Variants in PCCA observed in about 807,000 individuals in gnomAD.
PCCA encodes the protein propionyl-CoA carboxylase alpha chain, mitochondrial.
PCCA carries 74 observed loss-of-function variants against 101.3 expected under a neutral mutation model. The ratio of observed to expected loss-of-function variants is 0.73; its 90% confidence interval spans 0.61 to 0.89. The LOEUF is 0.89. Ranked by LOEUF, PCCA falls within the 40% of genes least tolerant of loss-of-function variation. The pLI, the probability that PCCA is intolerant of heterozygous loss-of-function variation, is 0.00. For missense variants in PCCA, 891 were observed against 907.0 expected, an observed-to-expected ratio of 0.98 and a Z score of 0.23; for synonymous variants, 294 against 313.6, an observed-to-expected ratio of 0.94 and a Z score of 0.66.
At chr13:100,369,957 A>G (rs1003554833) in intron 19 of PCCA, among the ~76,000 whole-genome samples, 2 of 151,596 alleles carry the variant, frequency 1.3e-5, no homozygotes, top group African/African-American at 2.4e-5. Context: ...TTTCAGTTCT[A>G]TATTGAGTCA....
intron 18 of PCCA, among the ~76,000 whole-genome samples, chr13:100,350,997 A>G (rs1402704334): frequency 1.3e-5 from 2 of 152,230 alleles, no homozygotes; most frequent in Non-Finnish European, 2.9e-5. Context: ...ACAGCATAGC[A>G]TGCTTTCTTT....
At chr13:100,195,252 T>G (rs1469421759) in intron 6 of PCCA, among the ~76,000 whole-genome samples, 2 of 152,192 alleles carry the variant, frequency 1.3e-5, no homozygotes, top group African/African-American at 4.8e-5. Flanking sequence ...GCTTCTTACC[T>G]TCTTCTTACC....
chr13:100,447,023 C>CTTTATATT (rs1358873317), intron 20 of PCCA, among the ~76,000 whole-genome samples: 1 of 152,194 alleles, frequency 6.6e-6, no homozygotes, highest in Non-Finnish European at 1.5e-5. Flanking sequence ...ATAAACTACA[C>CTTTATATT]TGTGATATTT....
intron 6 of PCCA, among the ~76,000 whole-genome samples, chr13:100,195,795 A>G (rs1439470207): frequency 6.6e-6 from 1 of 152,184 alleles, no homozygotes; most frequent in Non-Finnish European, 1.5e-5. Context: ...TATTGCATCT[A>G]CATTTCCCGA....
intron 21 of PCCA, among the ~76,000 whole-genome samples, chr13:100,484,839 G>T (rs537221009): frequency 1.3e-5 from 2 of 152,294 alleles, no homozygotes; most frequent in Admixed American, 1.3e-4. Flanking sequence ...AGTGCTTCTG[G>T]TGAGCACCTC....
At chr13:100,239,071 A>G (rs1364354264) in intron 8 of PCCA, among the ~76,000 whole-genome samples, 2 of 152,164 alleles carry the variant, frequency 1.3e-5, no homozygotes, top group Non-Finnish European at 2.9e-5. Flanking sequence ...AAAGTAGGAA[A>G]CTCACTGTAT....
At chr13:100,139,924 T>C (rs1296394122) in intron 4 of PCCA, among the ~76,000 whole-genome samples, 1 of 152,058 alleles carries the variant, frequency 6.6e-6, no homozygotes, top group Non-Finnish European at 1.5e-5. Context: ...TTTTTTTTTT[T>C]CCTGTGGGCG....
intron 1 of PCCA, among the ~76,000 whole-genome samples, chr13:100,095,613 A>G (rs1184577211): frequency 6.6e-6 from 1 of 152,204 alleles, no homozygotes; most frequent in Non-Finnish European, 1.5e-5. Context: ...CCAGCCAGCC[A>G]TGTGACTATA....
intron 7 of PCCA, among the ~76,000 whole-genome samples, chr13:100,216,610 T>C (rs2152490591): frequency 6.6e-6 from 1 of 152,346 alleles, no homozygotes; most frequent in Non-Finnish European, 1.5e-5. Flanking sequence ...TTTATACATA[T>C]ACTCATTTTA....
intron 6 of PCCA, among the ~76,000 whole-genome samples, chr13:100,179,703 C>A (rs542242936): frequency 6.8e-5 from 7 of 103,504 alleles, no homozygotes; most frequent in African/African-American, 2.4e-4. Flanking sequence ...GGGTCATCCT[C>A]TTCCCACAAT....
intron 12 of PCCA, among the ~76,000 whole-genome samples, chr13:100,297,205 C>T (rs144300617): frequency 9.7e-4 from 148 of 152,212 alleles, no homozygotes; most frequent in African/African-American, 3.2e-3. Flanking sequence ...GTATCTCTGG[C>T]GTTTCTACAC....
At chr13:100,361,592 C>T (rs1041961833) in intron 18 of PCCA, among the ~76,000 whole-genome samples, 3 of 151,780 alleles carry the variant, frequency 2.0e-5, no homozygotes, top group Admixed American at 2.0e-4. Flanking sequence ...AAAAATAAGG[C>T]CAATGACCTA....
At chr13:100,313,952 T>C (rs2067131769) in intron 16 of PCCA, among the ~76,000 whole-genome samples, 1 of 152,166 alleles carries the variant, frequency 6.6e-6, no homozygotes, top group Non-Finnish European at 1.5e-5. Flanking sequence ...TTATTGTTTT[T>C]TAATCCCATC....
rs781004968 is a variant in PCCA, at chr13:100,204,132, CT to C, written c.469-5186del. 3.5e-3 allele frequency among the ~76,000 whole-genome samples: 478 copies of C among 138,500 alleles called. 5 individuals carry two copies. Among genetic ancestry groups the C allele is most frequent in the Admixed American group, 0.019 (255 of 13,750 alleles). The allele number at this position is 138,500 out of a possible 152,430, so 90.9% of individuals were successfully genotyped here. Reference sequence around the variant, plus strand: ...GGACAGTTCAGCTGTTTTTCCGTGGCTTTTTTTTTTTTTTCGAGACAGGGTC... The same window carrying C: ...GGACAGTTCAGCTGTTTTTCCGTGGCTTTTTTTTTTTTTCGAGACAGGGTC... On this transcript the variant is annotated intron_variant, in intron 6 of 23. Transcript: ENST00000376285.
intron 7 of PCCA, among the ~76,000 whole-genome samples, chr13:100,230,909 C>T (rs779569174): frequency 4.6e-5 from 7 of 152,170 alleles, no homozygotes; most frequent in Non-Finnish European, 1.0e-4. Context: ...AGCCTGCAAC[C>T]AGAGCTAGCC....
intron 21 of PCCA, among the ~76,000 whole-genome samples, chr13:100,509,275 T>C (rs890141812): frequency 6.6e-6 from 1 of 152,214 alleles, no homozygotes; most frequent in African/African-American, 2.4e-5. Context: ...TAAAATGTTG[T>C]AACAGTGCTA....
chr13:100,274,257 T>C (rs2152594894), intron 12 of PCCA, among the ~76,000 whole-genome samples: 1 of 152,304 alleles, frequency 6.6e-6, no homozygotes, highest in South Asian at 2.1e-4. Flanking sequence ...AATGGGATCG[T>C]ATAGTATTCG....
At chr13:100,110,115 AGAGT>A (rs2048173445) in intron 2 of PCCA, among the ~76,000 whole-genome samples, 1 of 152,190 alleles carries the variant, frequency 6.6e-6, no homozygotes, top group African/African-American at 2.4e-5. Context: ...CCTGGGCGAC[AGAGT>A]GAGACTCCAT....
intron 19 of PCCA, among the ~76,000 whole-genome samples, chr13:100,415,743 TGAATC>T (rs1450632059): frequency 6.6e-6 from 1 of 152,216 alleles, no homozygotes; most frequent in African/African-American, 2.4e-5. Context: ...ACTTATGAGG[TGAATC>T]GAAAACACTT....
Sources: allele counts gnomAD v4.1 joint callset (sites outside exome capture counted in the v4.1 genomes callset), GRCh38; gene constraint gnomAD v4.1.1; transcripts MANE v1.5; gene names NCBI Gene and HGNC (gene_info 2026-07-23, HGNC 2026-07-21).